LRRC37A: variants seen among roughly 807,000 people sequenced by gnomAD.
The protein encoded by LRRC37A is leucine-rich repeat-containing protein 37A.
A neutral mutation model predicts 35.4 loss-of-function variants in LRRC37A; 3 were observed. The ratio of observed to expected loss-of-function variants is 0.08; its 90% confidence interval spans 0.04 to 0.22. LRRC37A has a LOEUF of 0.22. Among genes scored for constraint, LRRC37A ranks in the 10% least tolerant of loss-of-function variants. LRRC37A has a pLI of 1.00. For missense variants in LRRC37A, 67 were observed against 565.3 expected, an observed-to-expected ratio of 0.12 and a Z score of 8.94; for synonymous variants, 23 against 215.0, an observed-to-expected ratio of 0.11 and a Z score of 7.81.
the LRRC37A span, among the ~76,000 whole-genome samples, chr17:46,255,088 G>A: frequency 2.0e-5 from 3 of 151,932 alleles, no homozygotes; most frequent in East Asian, 1.9e-4. Flanking sequence ...CACCCACCTC[G>A]GCCTCCCAAA....
the LRRC37A span, among the ~76,000 whole-genome samples, chr17:46,265,926 G>A: frequency 6.6e-6 from 1 of 152,214 alleles, no homozygotes; most frequent in Non-Finnish European, 1.5e-5. Flanking sequence ...GTGAAACCCC[G>A]TCTCTGCTAA....
At chr17:46,317,193 T>C (rs2051202734) in intron 5 of LRRC37A, among the ~76,000 whole-genome samples, 1 of 80,850 alleles carries the variant, frequency 1.2e-5, no homozygotes, top group Non-Finnish European at 3.7e-5. Context: ...GCATGCCCAG[T>C]TAGTTTTAAA....
the LRRC37A span, among the ~76,000 whole-genome samples, chr17:46,261,537 G>A: frequency 3.9e-5 from 6 of 152,110 alleles, no homozygotes; most frequent in Middle Eastern, 3.4e-3. Context: ...TCAGCCTCCC[G>A]AGTAGCTGGG....
chr17:46,269,733 T>C, the LRRC37A span, among the ~76,000 whole-genome samples: 1 of 152,230 alleles, frequency 6.6e-6, no homozygotes, highest in South Asian at 2.1e-4. Context: ...GTATTCTGAG[T>C]GTATCTGATA....
At chr17:46,287,343 C>G in the LRRC37A span, among the ~76,000 whole-genome samples, 2 of 152,272 alleles carry the variant, frequency 1.3e-5, no homozygotes, top group Non-Finnish European at 2.9e-5. Flanking sequence ...CCTGTCAAAC[C>G]TATTCCACAG....
At chr17:46,288,628 T>G (rs867037243), upstream of LRRC37A, among the ~76,000 whole-genome samples, 16 of 152,068 alleles carry the variant, frequency 1.1e-4, no homozygotes, top group African/African-American at 3.9e-4. Context: ...AAAGTTTTAA[T>G]GAGCAGTGAG....
At chr17:46,272,363 A>C in the LRRC37A span, among the ~76,000 whole-genome samples, 46 of 152,380 alleles carry the variant, frequency 3.0e-4, no homozygotes, top group Non-Finnish European at 5.0e-4. Flanking sequence ...GATTACTCAC[A>C]GAAAAGCAGC....
chr17:46,285,574 A>G, the LRRC37A span, among the ~76,000 whole-genome samples: 1 of 152,196 alleles, frequency 6.6e-6, no homozygotes, highest in Non-Finnish European at 1.5e-5. Context: ...AATAATAACT[A>G]TAATCTAATC....
At chr17:46,270,184 C>T in the LRRC37A span, among the ~76,000 whole-genome samples, 4 of 152,182 alleles carry the variant, frequency 2.6e-5, no homozygotes, top group Non-Finnish European at 4.4e-5. Flanking sequence ...TTTGGCCTCA[C>T]GGTGATGCAC....
At chr17:46,270,782 C>T in the LRRC37A span, among the ~76,000 whole-genome samples, 1 of 152,202 alleles carries the variant, frequency 6.6e-6, no homozygotes, top group South Asian at 2.1e-4. Context: ...TGGTGCATGC[C>T]TGTAATCCCA....
chr17:46,321,357 GAAAAAAAAAAA>G (rs763727306), intron 5 of LRRC37A, among the ~76,000 whole-genome samples: 6 of 31,356 alleles, frequency 1.9e-4, no homozygotes, highest in Admixed American at 1.1e-3. Flanking sequence ...CTCCGTCTCA[GAAAAAAAAAAA>G]AAAAAAAAAA....
the LRRC37A span, among the ~76,000 whole-genome samples, chr17:46,252,907 CGGCTGGCCGGGCGGGG>C: frequency 7.3e-6 from 1 of 136,442 alleles, no homozygotes; most frequent in East Asian, 2.0e-4. Context: ...CCGGACGGGG[CGGCTGGCCGGGCGGGG>C]GGCTGACCCC....
At chr17:46,282,241 T>C in the LRRC37A span, among the ~76,000 whole-genome samples, 1 of 152,156 alleles carries the variant, frequency 6.6e-6, no homozygotes, top group African/African-American at 2.4e-5. Context: ...TAGCTGGGAC[T>C]ACAGGCGTCT....
the LRRC37A span, chr17:46,268,826 C>G: frequency 4.1e-5 from 27 of 657,882 alleles, no homozygotes; most frequent in Middle Eastern, 4.9e-4. Context: ...ATAGTTACAA[C>G]TGTAATCTCG....
chr17:46,274,627 G>A, the LRRC37A span, among the ~76,000 whole-genome samples: 2 of 152,152 alleles, frequency 1.3e-5, no homozygotes, highest in Non-Finnish European at 2.9e-5. Flanking sequence ...ACAAATGAGG[G>A]CAGCAATAAA....
chr17:46,266,914 C>G, the LRRC37A span: 1 of 262,840 alleles, frequency 3.8e-6, no homozygotes, highest in Non-Finnish European at 6.7e-6. Flanking sequence ...GGGCCCTACG[C>G]TTCCCCGCCG....
At chr17:46,252,927 TG>T in the LRRC37A span, among the ~76,000 whole-genome samples, 2 of 135,918 alleles carry the variant, frequency 1.5e-5, 1 homozygote, top group Non-Finnish European at 3.4e-5. Flanking sequence ...GGCGGGGGGC[TG>T]ACCCCCCCAC....
the LRRC37A span, chr17:46,267,279 A>G: frequency 9.0e-7 from 1 of 1,116,568 alleles, no homozygotes; most frequent in Non-Finnish European, 1.2e-6. Context: ...ACGCCCAGGG[A>G]CTGGGAGAGG....
chr17:46,289,724 C>CTTT (rs1452889379), upstream of LRRC37A, among the ~76,000 whole-genome samples: 1 of 152,216 alleles, frequency 6.6e-6, no homozygotes, highest in Non-Finnish European at 1.5e-5. Flanking sequence ...TATTTTTCTT[C>CTTT]CTAAATCTTA....
Sources: gnomAD v4.1 joint callset for allele counts (sites outside exome capture counted in the v4.1 genomes callset) on GRCh38, gnomAD v4.1.1 for gene constraint, MANE v1.5 for transcripts, NCBI Gene and HGNC (gene_info 2026-07-23, HGNC 2026-07-21) for gene names.